The following AGR3 variants were observed in gnomAD, a reference collection of about 807,000 sequenced individuals.
AGR3 encodes anterior gradient 3, protein disulphide isomerase family member.
Under a neutral mutation model 24.5 loss-of-function variants are expected in AGR3, and 37 were observed. The ratio of observed to expected loss-of-function variants is 1.51; its 90% confidence interval spans 1.16 to 1.99. AGR3 has a LOEUF of 1.99. Ranked by LOEUF, AGR3 falls within the 30% of genes most tolerant of loss-of-function variation. AGR3 has a pLI of 0.00. For synonymous variants in AGR3, 75 were observed against 61.6 expected (o/e 1.22, Z -1.02); for missense variants, 228 against 191.1 (o/e 1.19, Z -1.14).
intron 2 of AGR3, among the ~76,000 whole-genome samples, chr7:16,877,072 T>G (rs1199091426): frequency 6.6e-6 from 1 of 152,030 alleles, no homozygotes; most frequent in African/African-American, 2.4e-5. Flanking sequence ...TATATATAGA[T>G]TGTGTGTTTG....
intron 3 of AGR3, among the ~76,000 whole-genome samples, chr7:16,867,142 C>T (rs1358872826): frequency 1.3e-5 from 2 of 152,116 alleles, no homozygotes; most frequent in Admixed American, 1.3e-4. Flanking sequence ...GCAGTGGTAT[C>T]TTCTAGCACC....
intron 3 of AGR3, among the ~76,000 whole-genome samples, chr7:16,868,789 G>A (rs979944255): frequency 6.6e-6 from 1 of 152,180 alleles, no homozygotes; most frequent in African/African-American, 2.4e-5. Context: ...AGTGGATTGT[G>A]AGCATCAAAG....
intron 1 of AGR3, among the ~76,000 whole-genome samples, chr7:16,878,889 T>C (rs1283262765): frequency 6.6e-6 from 1 of 152,198 alleles, no homozygotes; most frequent in African/African-American, 2.4e-5. Flanking sequence ...TGCTGTATAA[T>C]TAAAAAAGAG....
At chr7:16,873,674 C>T (rs1781927202) in intron 3 of AGR3, 106 bp downstream of exon 3, 1 of 829,626 alleles carries the variant, frequency 1.2e-6, no homozygotes, top group East Asian at 2.6e-5. Context: ...GATCACTACA[C>T]ATTGTGTACA....
chr7:16,867,450 T>C (rs181024506), intron 3 of AGR3, among the ~76,000 whole-genome samples: 101 of 152,326 alleles, frequency 6.6e-4, no homozygotes, highest in African/African-American at 2.4e-3. Flanking sequence ...TATGGATATG[T>C]TGTACAGTGG....
At chr7:16,855,501 G>T (rs928168764), downstream of AGR3, among the ~76,000 whole-genome samples, 1 of 152,090 alleles carries the variant, frequency 6.6e-6, no homozygotes, top group African/African-American at 2.4e-5. Context: ...CCTATTGTGG[G>T]TGCTCTCCAC....
chr7:16,872,762 C>A (rs943233552), intron 3 of AGR3, among the ~76,000 whole-genome samples: 3 of 152,048 alleles, frequency 2.0e-5, no homozygotes, highest in Non-Finnish European at 4.4e-5. Context: ...CAACAAAAAA[C>A]CCCAAATGAT....
chr7:16,855,634 C>T (rs77899436), downstream of AGR3, among the ~76,000 whole-genome samples: 3,518 of 151,910 alleles, frequency 0.023, 128 homozygotes, highest in African/African-American at 0.078. Flanking sequence ...TTCCATTTAG[C>T]GAAAAAGGCA....
chr7:16,861,378 A>G lies in AGR3; in HGVS notation c.367+6T>C, dbSNP rs1034189608. On this transcript the variant is annotated splice_donor_region_variant and intron_variant, in intron 6 of 7. Coordinates refer to ENST00000310398, the MANE Select transcript of AGR3 (RefSeq NM_176813.5). The stretch of plus-strand genomic sequence containing the variant: ...TAGATCTGATGAAATGAGATCACAT[A>G]CATACCTACAAACATGATTCTAGGC... 1.3e-6 allele frequency: 2 copies of G among 1,599,514 alleles called. No homozygotes were observed. Among genetic ancestry groups the G allele is most frequent in the East Asian group, 2.2e-5 (1 of 44,592 alleles).
intron 3 of AGR3, among the ~76,000 whole-genome samples, chr7:16,870,414 G>C (rs1335544331): frequency 6.6e-6 from 1 of 150,460 alleles, no homozygotes; most frequent in East Asian, 2.0e-4. Context: ...TAGTACTTCA[G>C]AAAAATGTTA....
At chr7:16,870,325 T>C (rs906223848) in intron 3 of AGR3, among the ~76,000 whole-genome samples, 7 of 152,210 alleles carry the variant, frequency 4.6e-5, no homozygotes, top group African/African-American at 1.7e-4. Context: ...TTTTCACGTA[T>C]ATAAATTATC....
chr7:16,862,626 A>T lies in AGR3; in HGVS notation c.210T>A (p.Asp70Glu). 5 of 1,538,460 alleles carry T rather than the reference A, an allele frequency of 3.2e-6. No homozygotes were observed. In the South Asian group the frequency reaches 5.2e-5, roughly 16 times the overall value. The change falls in exon 4 of 8, where the codon GAT (aspartate) becomes GAA (glutamate). Residue 70 changes from aspartate to glutamate, a missense_variant. Coordinates refer to ENST00000310398, the MANE Select transcript of AGR3 (RefSeq NM_176813.5). Reference sequence around the variant, plus strand: ...TAAAATTACCTTGAGAGTATTGACAATCCTCCAGGTGATGAATAACCATTA... The same window carrying T: ...TAAAATTACCTTGAGAGTATTGACATTCCTCCAGGTGATGAATAACCATTA... ...KPLMVIHHLE[D>E]CQYSQALKKV...
At chr7:16,878,154 G>C (rs546859305) in intron 2 of AGR3, among the ~76,000 whole-genome samples, 6 of 151,802 alleles carry the variant, frequency 4.0e-5, no homozygotes, top group Non-Finnish European at 8.8e-5. Context: ...TAGAGGACTG[G>C]GAATTTGAGC....
chr7:16,874,032 G>A (rs539238873), intron 2 of AGR3, among the ~76,000 whole-genome samples, 189 bp from the exon 3 acceptor site: 1 of 152,280 alleles, frequency 6.6e-6, no homozygotes, highest in African/African-American at 2.4e-5. Context: ...TTGCAGTACT[G>A]AGGTTTTGCT....
At chr7:16,855,113 T>A (rs1446462898), downstream of AGR3, among the ~76,000 whole-genome samples, 1 of 152,210 alleles carries the variant, frequency 6.6e-6, no homozygotes, top group African/African-American at 2.4e-5. Context: ...CCCAAACATT[T>A]ATCATTCCTT....
downstream of AGR3, among the ~76,000 whole-genome samples, chr7:16,856,086 A>G (rs1430864789): frequency 5.8e-4 from 89 of 152,268 alleles, no homozygotes; most frequent in Non-Finnish European, 2.6e-4. Flanking sequence ...TACTGATTTC[A>G]CATTATTTTA....
rs1782069382 is a variant in AGR3, at chr7:16,879,907, A to G, written c.-27-1262T>C. Among the ~76,000 whole-genome samples, 4 of 152,148 alleles carry G rather than the reference A, an allele frequency of 2.6e-5. No individual in the cohort carries two copies. In the South Asian group the frequency reaches 8.3e-4, roughly 31 times the overall value. On this transcript the variant is annotated intron_variant, in intron 1 of 7. Coordinates refer to ENST00000310398, the MANE Select transcript of AGR3 (RefSeq NM_176813.5). Reference sequence around the variant, plus strand: ...GTTTACAGATTCTAGATTTCTCCAGACATTTCCTCATTCCTCCCATTATAC... The same window carrying G: ...GTTTACAGATTCTAGATTTCTCCAGGCATTTCCTCATTCCTCCCATTATAC...
chr7:16,873,240 C>G (rs574127051), intron 3 of AGR3, among the ~76,000 whole-genome samples: 17 of 152,210 alleles, frequency 1.1e-4, no homozygotes, highest in African/African-American at 3.6e-4. Flanking sequence ...GTTATATATT[C>G]ACAGTGGACT....
At chr7:16,861,907 A>G (rs1781652963) in intron 5 of AGR3, 77 bp downstream of exon 5, 1 of 1,351,982 alleles carries the variant, frequency 7.4e-7, no homozygotes, top group Non-Finnish European at 1.0e-6. Context: ...TCTAAAAAAA[A>G]AAAAAAAAAA....
Sources: gnomAD v4.1 joint callset for allele counts (sites outside exome capture counted in the v4.1 genomes callset) on GRCh38, gnomAD v4.1.1 for gene constraint, MANE v1.5 for transcripts, NCBI Gene and HGNC (gene_info 2026-07-23, HGNC 2026-07-21) for gene names.